Variants in PAX7 observed in about 807,000 individuals in gnomAD.
The protein encoded by PAX7 is paired box 7.
Under a neutral mutation model 50.7 loss-of-function variants are expected in PAX7, and 18 were observed. The observed-to-expected ratio is 0.36, with a 90% confidence interval of 0.25 to 0.53. The LOEUF (loss-of-function observed/expected upper bound fraction) is 0.53, where lower values mean the gene tolerates loss of function less well. Ranked by LOEUF, PAX7 falls within the 20% of genes least tolerant of loss-of-function variation. PAX7 has a pLI of 0.93. For missense variants in PAX7, 644 were observed against 702.9 expected (o/e 0.92, Z 0.95); for synonymous variants, 310 against 290.4 (o/e 1.07, Z -0.69).
Position 18,726,145 on chromosome 1 carries a change from A to AGTGTGTGTGTGTGT in PAX7, c.1156-9466_1156-9453dup, listed in dbSNP as rs35982827. On this transcript the variant is annotated intron_variant, in intron 7 of 8. Coordinates refer to ENST00000420770, the MANE Select transcript of PAX7 (RefSeq NM_001135254.2). The surrounding 1 kb of genome is among the most constrained non-coding windows in gnomAD (Gnocchi z 4.8). ...ATAAAACAGACATTGGAAGAGTGTG[A>AGTGTGTGTGTGTGT]GTGTGTGTGTGTGTGTGTGTGTGTG... Among the ~76,000 whole-genome samples, 11 of 137,498 alleles carry AGTGTGTGTGTGTGT rather than the reference A, an allele frequency of 8.0e-5. No homozygotes were observed. The highest frequency in any genetic ancestry group is 2.7e-4 in the African/African-American group (10 of 36,582). 90.2% of individuals were successfully genotyped at this position (137,498 alleles called of 152,430 possible).
chr1:18,659,070 CTG>C (rs1256796433), intron 4 of PAX7, among the ~76,000 whole-genome samples: 1 of 151,922 alleles, frequency 6.6e-6, no homozygotes, highest in African/African-American at 2.4e-5. Context: ...ATGCATGTGA[CTG>C]TGTGCACATA....
chr1:18,732,242 C>A (rs890539953), intron 7 of PAX7, among the ~76,000 whole-genome samples: 1 of 152,208 alleles, frequency 6.6e-6, no homozygotes, highest in Non-Finnish European at 1.5e-5. Context: ...CAGCTTCGTT[C>A]CTTAGGCCGA....
At chr1:18,731,325 G>C (rs1462958345) in intron 7 of PAX7, among the ~76,000 whole-genome samples, 3 of 152,184 alleles carry the variant, frequency 2.0e-5, no homozygotes, top group African/African-American at 7.2e-5. Flanking sequence ...GGCCCATAGG[G>C]CTCTGTGCAG....
At chr1:18,705,004 T>C (rs1419895404) in intron 7 of PAX7, among the ~76,000 whole-genome samples, 1 of 152,192 alleles carries the variant, frequency 6.6e-6, no homozygotes, top group African/African-American at 2.4e-5. Context: ...GCCCAGTACC[T>C]GTAGGCAGCT....
chr1:18,715,199 AC>A (rs149347575), intron 7 of PAX7, among the ~76,000 whole-genome samples: 4,062 of 152,108 alleles, frequency 0.027, 174 homozygotes, highest in African/African-American at 0.092. Flanking sequence ...TCTCAAGCCC[AC>A]CCGTACTTCT....
Position 18,634,992 on chromosome 1 carries a change from G to A in PAX7, c.322-119G>A, listed in dbSNP as rs575952185. 1,022 of 1,254,048 alleles carry A rather than the reference G, an allele frequency of 8.1e-4. 10 individuals are homozygous for A. Among genetic ancestry groups the A allele is most frequent in the Non-Finnish European group, 2.4e-4 (218 of 912,884 alleles). The allele number at this position is 1,254,048 out of a possible 1,614,324, so 77.7% of individuals were successfully genotyped here. The stretch of plus-strand genomic sequence containing the variant: ...AAAGCCAATCTCTTGGGGGATGGGG[G>A]GACACAAGGTAACCAGAACCACCAG... On this transcript the variant is annotated intron_variant, in intron 2 of 8. Coordinates refer to ENST00000420770, the MANE Select transcript of PAX7 (RefSeq NM_001135254.2). This position sits in a 1 kb window ranked among gnomAD's most constrained non-coding sequence, Gnocchi z 4.0.
intron 4 of PAX7, among the ~76,000 whole-genome samples, chr1:18,657,557 C>A (rs1320248598): frequency 5.3e-5 from 8 of 152,174 alleles, no homozygotes; most frequent in African/African-American, 1.9e-4. Flanking sequence ...AGCCCGCACT[C>A]TCTGAGCTAG....
intron 6 of PAX7, among the ~76,000 whole-genome samples, chr1:18,702,353 A>G (rs1001355269): frequency 6.6e-6 from 1 of 152,028 alleles, no homozygotes; most frequent in African/African-American, 2.4e-5. Context: ...AAAAAATTAA[A>G]TTTTAAAAAA....
At chr1:18,717,079 C>T (rs2089435313) in intron 7 of PAX7, among the ~76,000 whole-genome samples, 1 of 152,088 alleles carries the variant, frequency 6.6e-6, no homozygotes, top group Admixed American at 6.5e-5. Flanking sequence ...ATCCATGGCC[C>T]GAGGCCGCCT....
At chr1:18,654,459 C>CA (rs2088481924) in intron 4 of PAX7, among the ~76,000 whole-genome samples, 1 of 152,216 alleles carries the variant, frequency 6.6e-6, no homozygotes, top group Non-Finnish European at 1.5e-5. Flanking sequence ...GAATGGATGA[C>CA]AAAATGCAAC....
Position 18,670,756 on chromosome 1 carries a change from C to A in PAX7, c.587-20998C>A, listed in dbSNP as rs142040723. Among the ~76,000 whole-genome samples, 6 of 152,328 alleles carry A rather than the reference C, an allele frequency of 3.9e-5. No homozygotes were observed. In the East Asian group the frequency reaches 1.2e-3, roughly 29 times the overall value. On this transcript the variant is annotated intron_variant, in intron 4 of 8. Coordinates refer to ENST00000420770, the MANE Select transcript of PAX7 (RefSeq NM_001135254.2). ...AGGCCATGGAGACGACAGCCCGGGC[C>A]CGTGCGAGTCCCTCCACCTGGCTCC...
intron 6 of PAX7, among the ~76,000 whole-genome samples, chr1:18,701,509 A>AT (rs3833995): frequency 0.02 from 2,980 of 146,650 alleles, 86 homozygotes; most frequent in African/African-American, 0.066. Context: ...TGTTGGAATC[A>AT]TTTTTTTTTT....
In PAX7 at chr1:18,700,615, G is replaced by A. The variant is rs190438637; in HGVS notation, c.787-38G>A. ...TGTTGCAGCTCTCTGCCAGGAACCT[G>A]GCCGAGGGGTCTCCATTCTCTGCTC... On this transcript the variant is annotated intron_variant, in intron 5 of 8. Coordinates refer to ENST00000420770, the MANE Select transcript of PAX7 (RefSeq NM_001135254.2). The surrounding 1 kb of genome is among the most constrained non-coding windows in gnomAD (Gnocchi z 4.8). The A allele has an allele frequency of 5.1e-4, 758 of 1,482,840 alleles. 2 individuals are homozygous for A. The African/African-American group carries it at 9.9e-3, about 19-fold the overall frequency. 91.9% of individuals were successfully genotyped at this position (1,482,840 alleles called of 1,614,324 possible). A position where few individuals can be genotyped will look rare whatever the true frequency, so the allele number is the denominator to read the frequency against.
rs1276879300 is a variant in PAX7, at chr1:18,689,903, G to A, written c.587-1851G>A. Among the ~76,000 whole-genome samples the A allele has an allele frequency of 2.6e-5, 4 of 152,258 alleles. No homozygotes were observed. The East Asian group carries it at 7.7e-4, about 29-fold the overall frequency. ...CGGGGAGGAGGGGGTTGCCCCTTGGGGGAGGGGCCTAGGCCTATTCCTATA... is the reference window on the plus strand; with the variant it reads ...CGGGGAGGAGGGGGTTGCCCCTTGGAGGAGGGGCCTAGGCCTATTCCTATA... On this transcript the variant is annotated intron_variant, in intron 4 of 8. Coordinates refer to ENST00000420770, the MANE Select transcript of PAX7 (RefSeq NM_001135254.2).
intron 4 of PAX7, among the ~76,000 whole-genome samples, chr1:18,685,231 A>T (rs952358070): frequency 1.1e-4 from 17 of 152,116 alleles, no homozygotes; most frequent in African/African-American, 4.1e-4. Flanking sequence ...CCCTCCCTTT[A>T]TTGGGAGAAA....
At chr1:18,675,310 A>G (rs2088809287) in intron 4 of PAX7, among the ~76,000 whole-genome samples, 1 of 152,088 alleles carries the variant, frequency 6.6e-6, no homozygotes, top group Non-Finnish European at 1.5e-5. Flanking sequence ...GGAAAAATCA[A>G]CCTCACCAAC....
rs1030256216 is a variant in PAX7, at chr1:18,747,753, G to C, written c.*2824G>C. On this transcript the variant is annotated 3_prime_UTR_variant, in exon 9 of 9. Transcript: ENST00000420770. Reference sequence around the variant, plus strand: ...TCTCTTCTGAGTTCATTGTACAATAGTTGGAAACGTGGTGATGTGCTGTTC... The same window carrying C: ...TCTCTTCTGAGTTCATTGTACAATACTTGGAAACGTGGTGATGTGCTGTTC... The C allele has an allele frequency of 5.0e-6, 1 of 198,546 alleles. No individual in the cohort carries two copies. The highest frequency in any genetic ancestry group is 2.3e-5 in the African/African-American group (1 of 43,330). 12.3% of individuals were successfully genotyped at this position (198,546 alleles called of 1,614,324 possible). A position where few individuals can be genotyped will look rare whatever the true frequency, so the allele number is the denominator to read the frequency against.
intron 7 of PAX7, among the ~76,000 whole-genome samples, chr1:18,729,581 G>A (rs183074243): frequency 2.6e-5 from 4 of 152,318 alleles, no homozygotes; most frequent in East Asian, 1.9e-4. Context: ...GCTATTTGGC[G>A]ATTGGGACCA....
chr1:18,730,777 A>G (rs1236130631), intron 7 of PAX7, among the ~76,000 whole-genome samples: 2 of 151,500 alleles, frequency 1.3e-5, no homozygotes, highest in Non-Finnish European at 2.9e-5. Flanking sequence ...AGGCTGTGGA[A>G]GGGGGGCCCC....
Sources: allele counts gnomAD v4.1 joint callset (sites outside exome capture counted in the v4.1 genomes callset), GRCh38; gene constraint gnomAD v4.1.1; non-coding constraint Gnocchi (gnomAD v3.1); transcripts MANE v1.5; gene names NCBI Gene and HGNC (gene_info 2026-07-23, HGNC 2026-07-21).